Variants in DOK6 observed in about 807,000 individuals in gnomAD.
DOK6 encodes docking protein 6, also known as downstream of tyrosine kinase 6.
Under a neutral mutation model 44.0 loss-of-function variants are expected in DOK6, and 22 were observed. The observed-to-expected ratio is 0.50, with a 90% CI of 0.36 to 0.71. The LOEUF (loss-of-function observed/expected upper bound fraction) is 0.71. DOK6 is among the 30% of genes least tolerant of loss of function. The probability of loss-of-function intolerance (pLI) is 0.00; values close to 1 mark genes in which losing one functional copy is unlikely to be tolerated. For synonymous variants in DOK6, 166 were observed against 145.5 expected, an observed-to-expected ratio of 1.14 and a Z score of -1.01; for missense variants, 340 against 416.4, an observed-to-expected ratio of 0.82 and a Z score of 1.60.
At chr18:69,661,712 C>A (rs1985531966) in intron 3 of DOK6, 1 of 152,172 alleles carries the variant, frequency 6.6e-6, no homozygotes, top group South Asian at 2.1e-4. Flanking sequence ...TAAAATAATT[C>A]TTCATTAAAA....
chr18:69,708,558 AG>A (rs1370803062), intron 5 of DOK6, among the ~76,000 whole-genome samples: 1 of 152,134 alleles, frequency 6.6e-6, no homozygotes, highest in African/African-American at 2.4e-5. Context: ...AGGCCGAGGC[AG>A]GGGGATCATG....
chr18:69,471,141 C>CGGGG (rs143177299), intron 1 of DOK6, among the ~76,000 whole-genome samples: 1 of 147,236 alleles, frequency 6.8e-6, no homozygotes, highest in Non-Finnish European at 1.5e-5. Context: ...CCCAGCTACT[C>CGGGG]GGGAAGCTGG....
chr18:69,529,433 TC>T (rs748538697), intron 1 of DOK6, among the ~76,000 whole-genome samples: 14 of 152,212 alleles, frequency 9.2e-5, no homozygotes, highest in Non-Finnish European at 1.8e-4. Context: ...AAAAGGGTTT[TC>T]CTGTCTGCAA....
intron 6 of DOK6, among the ~76,000 whole-genome samples, chr18:69,742,794 CAA>C (rs1039790996): frequency 2.6e-5 from 4 of 152,188 alleles, no homozygotes; most frequent in African/African-American, 9.7e-5. Flanking sequence ...CTTGAAATAT[CAA>C]AAGTTTTCCA....
intron 1 of DOK6, among the ~76,000 whole-genome samples, chr18:69,484,844 C>A (rs541214337): frequency 1.3e-5 from 2 of 152,080 alleles, no homozygotes; most frequent in African/African-American, 4.8e-5. Context: ...ATGGTGACAT[C>A]GCCAACAAAA....
At chr18:69,636,987 G>A (rs145756698) in intron 3 of DOK6, among the ~76,000 whole-genome samples, 9 of 152,268 alleles carry the variant, frequency 5.9e-5, no homozygotes, top group Non-Finnish European at 1.2e-4. Context: ...GTACATAGAT[G>A]CCTTAAAGGA....
intron 1 of DOK6, among the ~76,000 whole-genome samples, chr18:69,559,575 A>G (rs1337917239): frequency 1.3e-5 from 2 of 152,086 alleles, no homozygotes; most frequent in African/African-American, 4.8e-5. Flanking sequence ...TACTTCCCCA[A>G]TATTATTACT....
intron 7 of DOK6, among the ~76,000 whole-genome samples, chr18:69,782,333 T>C (rs546106488): frequency 6.6e-6 from 1 of 150,876 alleles, no homozygotes; most frequent in Non-Finnish European, 1.5e-5. Flanking sequence ...TCCCTCAGCC[T>C]CCTGAGTAGC....
rs536806760 is a variant in DOK6 at position 69,763,619 on chromosome 18, G to A, written c.856+5746G>A. ...AAATACAGAGAAGTTGAGGAGGGGA[G>A]CACAGGAAAGGGTAAAAAGAAAGAA... On this transcript the variant is annotated intron_variant, in intron 7 of 7. Coordinates refer to ENST00000382713, the MANE Select transcript of DOK6 (RefSeq NM_152721.6). 2.6e-3 allele frequency among the ~76,000 whole-genome samples: 401 copies of A among 152,212 alleles called. 5 individuals are homozygous for A. Among genetic ancestry groups the A allele is most frequent in the Non-Finnish European group, 9.6e-4 (65 of 68,002 alleles).
At chr18:69,681,726 G>A (rs546996576) in intron 4 of DOK6, among the ~76,000 whole-genome samples, 163 of 152,236 alleles carry the variant, frequency 1.1e-3, no homozygotes, top group African/African-American at 3.6e-3. Flanking sequence ...ATTAATATAT[G>A]GCATTACAGT....
intron 1 of DOK6, among the ~76,000 whole-genome samples, chr18:69,441,673 G>A (rs12457369): frequency 0.2 from 30,468 of 151,960 alleles, 3,361 homozygotes; most frequent in South Asian, 0.31. Flanking sequence ...AGCAATAAAC[G>A]TAGCTGAAAA....
chr18:69,636,416 A>G (rs1437483756), intron 3 of DOK6, among the ~76,000 whole-genome samples: 2 of 152,178 alleles, frequency 1.3e-5, no homozygotes, highest in African/African-American at 4.8e-5. Flanking sequence ...GTCTATGTAT[A>G]TGGCCTCATA....
intron 7 of DOK6, among the ~76,000 whole-genome samples, chr18:69,830,440 A>AT (rs1228212006): frequency 2.0e-5 from 3 of 152,168 alleles, no homozygotes; most frequent in Admixed American, 6.5e-5. Flanking sequence ...GATTAGGACA[A>AT]CTGACATGCT....
chr18:69,726,573 T>C (rs960025722), intron 5 of DOK6, among the ~76,000 whole-genome samples: 2 of 152,122 alleles, frequency 1.3e-5, no homozygotes, highest in Non-Finnish European at 2.9e-5. Context: ...TGGACTGCTA[T>C]AATAAAATAC....
At chr18:69,580,912 G>A (rs1013189927) in intron 2 of DOK6, among the ~76,000 whole-genome samples, 13 of 151,982 alleles carry the variant, frequency 8.6e-5, no homozygotes, top group African/African-American at 3.1e-4. Context: ...TCTACATGCA[G>A]TGAGAACGTG....
chr18:69,816,038 G>A (rs1310652702), intron 7 of DOK6, among the ~76,000 whole-genome samples: 2 of 152,150 alleles, frequency 1.3e-5, no homozygotes, highest in Non-Finnish European at 2.9e-5. Flanking sequence ...GACTTAAGAG[G>A]AGAAATGGAG....
chr18:69,597,282 T>C (rs559903328), intron 2 of DOK6, among the ~76,000 whole-genome samples: 4 of 152,216 alleles, frequency 2.6e-5, no homozygotes, highest in Non-Finnish European at 5.9e-5. Context: ...GGCATGTAGT[T>C]GATTTTCATT....
intron 7 of DOK6, among the ~76,000 whole-genome samples, chr18:69,771,746 A>T (rs1979892466): frequency 6.6e-6 from 1 of 151,972 alleles, no homozygotes; most frequent in African/African-American, 2.4e-5. Flanking sequence ...CTATGCATTG[A>T]ATTGCTTTAT....
At chr18:69,784,915 G>T (rs1385618569) in intron 7 of DOK6, among the ~76,000 whole-genome samples, 1 of 152,100 alleles carries the variant, frequency 6.6e-6, no homozygotes, top group African/African-American at 2.4e-5. Context: ...GAGACTGTTT[G>T]TCACCCATGC....
Sources: allele counts gnomAD v4.1 joint callset (sites outside exome capture counted in the v4.1 genomes callset), GRCh38; gene constraint gnomAD v4.1.1; transcripts MANE v1.5; gene names NCBI Gene and HGNC (gene_info 2026-07-23, HGNC 2026-07-21).